Variants in CEP164 observed in about 807,000 individuals in gnomAD.
The protein encoded by CEP164 is centrosomal protein of 164 kDa.
In CEP164, 162 loss-of-function variants were observed where a neutral mutation model predicts 182.7. The ratio of observed to expected loss-of-function variants is 0.89; its 90% CI spans 0.78 to 1.01. CEP164 has a LOEUF of 1.01. Among genes scored for constraint, CEP164 ranks in the 50% least tolerant of loss-of-function variants. The pLI, the probability that CEP164 is intolerant of heterozygous loss-of-function variation, is 0.00. For missense variants in CEP164, 1,735 were observed against 1,790.4 expected, an observed-to-expected ratio of 0.97 and a Z score of 0.56; for synonymous variants, 661 against 690.0, an observed-to-expected ratio of 0.96 and a Z score of 0.66.
chr11:117,330,603 C>T (rs1049368730), intron 1 of CEP164, among the ~76,000 whole-genome samples: 8 of 151,986 alleles, frequency 5.3e-5, no homozygotes, highest in Admixed American at 2.6e-4. Context: ...GAGCAGAGAT[C>T]GTGCCATTGC....
Position 117,412,327 on chromosome 11 carries a change from A to G in CEP164, c.*159A>G. The stretch of plus-strand genomic sequence containing the variant: ...GGGGGTTGAGTGGAACAGTAAAGCC[A>G]CACATTCTGTGACTATATAACCTAT... On this transcript the variant is annotated 3_prime_UTR_variant, in exon 33 of 33. Coordinates refer to ENST00000278935, the MANE Select transcript of CEP164 (RefSeq NM_014956.5). 1.6e-6 allele frequency: 1 copy of G among 608,260 alleles called. No homozygotes were observed. Among genetic ancestry groups the G allele is most frequent in the East Asian group, 2.8e-5 (1 of 35,238 alleles). The allele number at this position is 608,260 out of a possible 1,614,324, so 37.7% of individuals were successfully genotyped here. A position where few individuals can be genotyped will look rare whatever the true frequency, so the allele number is the denominator to read the frequency against.
intron 1 of CEP164, among the ~76,000 whole-genome samples, chr11:117,331,661 C>T (rs1279638856): frequency 6.6e-6 from 1 of 152,010 alleles, no homozygotes; most frequent in Non-Finnish European, 1.5e-5. Context: ...CCGCCTGTCA[C>T]TGGAAGCACA....
At chr11:117,362,747 C>T (rs1254224137) in intron 7 of CEP164, among the ~76,000 whole-genome samples, 9 of 152,214 alleles carry the variant, frequency 5.9e-5, no homozygotes, top group South Asian at 4.1e-4. Flanking sequence ...ACTCCCCCGC[C>T]GCCACTATTC....
In CEP164 at chr11:117,375,758, G is replaced by C. The variant is rs746823833; in HGVS notation, c.1284G>C (p.Val428=). 6.2e-7 allele frequency: 1 copy of C among 1,614,122 alleles called. No individual in the cohort carries two copies. The highest frequency in any genetic ancestry group is 1.3e-5 in the African/African-American group (1 of 75,014). Reference sequence around the variant, plus strand: ...CGGAGCACCTGCTGGATGTTGATGTGCTTTCCCCAGTCCTGGGTGGAGCTT... The same window carrying C: ...CGGAGCACCTGCTGGATGTTGATGTCCTTTCCCCAGTCCTGGGTGGAGCTT... ...RISEHLLDVD[V]LSPVLGGACR... Residue 428 remains valine (V), a synonymous_variant, in exon 11 of 33, where the codon GTG becomes GTC. Coordinates refer to ENST00000278935, the MANE Select transcript of CEP164 (RefSeq NM_014956.5).
chr11:117,355,419 T>C (rs1370678415), intron 5 of CEP164: 2 of 1,289,628 alleles, frequency 1.6e-6, no homozygotes, highest in African/African-American at 3.0e-5. Context: ...CAGGCCTCTG[T>C]CCACTCAAAG....
chr11:117,331,222 A>G (rs907778448), intron 1 of CEP164, among the ~76,000 whole-genome samples: 1 of 152,208 alleles, frequency 6.6e-6, no homozygotes, highest in Non-Finnish European at 1.5e-5. Context: ...AACGATATGT[A>G]CTGAATGGAA....
At chr11:117,377,064 A>G (rs1182620044) in intron 11 of CEP164, among the ~76,000 whole-genome samples, 2 of 152,108 alleles carry the variant, frequency 1.3e-5, no homozygotes, top group African/African-American at 4.8e-5. Flanking sequence ...GCAGGACCTG[A>G]CTTGGTTTTG....
intron 1 of CEP164, among the ~76,000 whole-genome samples, chr11:117,334,634 A>G (rs2036749274): frequency 6.6e-6 from 1 of 152,106 alleles, no homozygotes; most frequent in South Asian, 2.1e-4. Flanking sequence ...AAAAATCCAG[A>G]GATTAGCCAG....
Position 117,387,381 on chromosome 11 carries a change from C to A in CEP164, c.1903C>A (p.Arg635=). The part of the protein sequence containing the change: ...LCQEEEEEIL[R]LHQQKEQSLS... ...CCAAGAGGAGGAAGAGGAGATCCTC[C>A]GGCTTCACCAGCAGAAAGAGCAATC... is the stretch of plus-strand genomic sequence containing the variant. Residue 635 remains arginine (R), a synonymous_variant, in exon 15 of 33, where the codon CGG becomes AGG. Coordinates refer to ENST00000278935, the MANE Select transcript of CEP164 (RefSeq NM_014956.5). 2 of 1,614,122 alleles carry A rather than the reference C, an allele frequency of 1.2e-6. No individual in the cohort carries two copies. Among genetic ancestry groups the A allele is most frequent in the Non-Finnish European group, 1.7e-6 (2 of 1,180,028 alleles).
In CEP164 at chr11:117,371,044, T is replaced by A. The variant is rs2305826; in HGVS notation, c.766-36T>A. 0.55 allele frequency: 844,628 copies of A among 1,528,562 alleles called. 234,662 individuals are homozygous for A. The highest frequency in any genetic ancestry group is 0.58 in the African/African-American group (41,901 of 72,118). 94.7% of individuals were successfully genotyped at this position (1,528,562 alleles called of 1,614,324 possible). ...TCTCAACTCCTTTTGCACATTCCTT[T>A]TGTCTTCCTTTCTAACATGGTCTGT... On this transcript the variant is annotated intron_variant, in intron 8 of 32. Coordinates refer to ENST00000278935, the MANE Select transcript of CEP164 (RefSeq NM_014956.5).
At chr11:117,384,569 G>A (rs1329928043) in intron 14 of CEP164, 1 of 152,266 alleles carries the variant, frequency 6.6e-6, no homozygotes, top group East Asian at 1.9e-4. Flanking sequence ...GGCTTCCCCA[G>A]CTCCTCCCCA....
upstream of CEP164, chr11:117,324,090 GACAACC>G (rs1443456229): frequency 1.9e-5 from 4 of 209,530 alleles, no homozygotes; most frequent in East Asian, 5.5e-4. Flanking sequence ...TACTGTAGAA[GACAACC>G]TATGAGTGAA....
At chr11:117,341,676 G>T (rs549789667) in intron 3 of CEP164, among the ~76,000 whole-genome samples, 1 of 151,354 alleles carries the variant, frequency 6.6e-6, no homozygotes, top group East Asian at 2.0e-4. Flanking sequence ...GAACTCCTGG[G>T]CTCAAGCAAT....
At chr11:117,362,686 C>T in intron 7 of CEP164, 148 bp downstream of exon 7, 4 of 804,194 alleles carry the variant, frequency 5.0e-6, no homozygotes, top group Non-Finnish European at 7.8e-6. Context: ...GTATTAATTA[C>T]CTTCACAATG....
chr11:117,325,170 T>C (rs1591897929), upstream of CEP164, among the ~76,000 whole-genome samples: 1 of 151,862 alleles, frequency 6.6e-6, no homozygotes, highest in Admixed American at 6.6e-5. Flanking sequence ...CTGCAACCCC[T>C]GCCTCTCGGG....
chr11:117,371,527 C>T (rs2042191248), intron 9 of CEP164, 61 bp downstream of exon 9: 1 of 1,528,528 alleles, frequency 6.5e-7, no homozygotes, highest in African/African-American at 1.4e-5. Flanking sequence ...CTGTTCAGCC[C>T]TGGGCAGGGT....
chr11:117,366,871 G>A (rs192425408), intron 8 of CEP164, among the ~76,000 whole-genome samples: 2 of 152,194 alleles, frequency 1.3e-5, no homozygotes, highest in Non-Finnish European at 2.9e-5. Flanking sequence ...TGGCTTTTGG[G>A]GGGCATGTTA....
chr11:117,343,922 C>T (rs1231271532), intron 3 of CEP164, among the ~76,000 whole-genome samples: 3 of 151,982 alleles, frequency 2.0e-5, no homozygotes, highest in African/African-American at 7.2e-5. Context: ...AGCCATGGCA[C>T]CTGGCCTATT....
In CEP164 at chr11:117,393,095, T is replaced by G. The variant is rs371143032; in HGVS notation, c.2585T>G (p.Met862Arg). The G allele has an allele frequency of 2.5e-6, 4 of 1,613,432 alleles. No homozygotes were observed. Among genetic ancestry groups the G allele is most frequent in the Non-Finnish European group, 3.4e-6 (4 of 1,179,826 alleles). Residue 862 changes from methionine (M) to arginine (R), a missense_variant, in exon 20 of 33, where the codon ATG becomes AGG. By Grantham distance (91) the Met-to-Arg change is moderately conservative. Transcript: ENST00000278935. ...ATGAAGGAGGAGCACCAGCAAGTGA[T>G]GGCTAAGGCCAGAGAGCAGTATGAA... ...DKMKEEHQQV[M>R]AKAREQYEAE...
Sources: allele counts gnomAD v4.1 joint callset (sites outside exome capture counted in the v4.1 genomes callset), GRCh38; gene constraint gnomAD v4.1.1; transcripts MANE v1.5; gene names NCBI Gene and HGNC (gene_info 2026-07-23, HGNC 2026-07-21).